MAGEA12: variants seen among roughly 807,000 people sequenced by gnomAD.
MAGEA12 encodes MAGE family member A12.
For synonymous variants in MAGEA12, 135 were observed against 104.7 expected (o/e 1.29, Z -1.77); for missense variants, 235 against 240.1 (o/e 0.98, Z 0.14).
chrX:152,737,182 G>A lies in MAGEA12; in HGVS notation c.*76G>A, dbSNP rs782676387. The A allele has an allele frequency of 2.5e-5, 25 of 995,042 alleles. No individual in the cohort carries two copies. Among genetic ancestry groups the A allele is most frequent in the Non-Finnish European group, 3.4e-5 (24 of 708,466 alleles). The allele number at this position is 995,042 out of a possible 1,213,427, so 82.0% of individuals were successfully genotyped here. On this transcript the variant is annotated 3_prime_UTR_variant, in exon 3 of 3. Coordinates refer to ENST00000393869, the MANE Select transcript of MAGEA12 (RefSeq NM_001166387.4). Reference sequence around the variant, plus strand: ...GCACCTTCCAAGGCCCCATCCATTAGTTTCCACTGCCTCGTGTGACATGAG... The same window carrying A: ...GCACCTTCCAAGGCCCCATCCATTAATTTCCACTGCCTCGTGTGACATGAG...
At position 152,736,677 on chromosome X, in the gene MAGEA12, C is replaced by A. The variant is rs1556225801; in HGVS notation, c.516C>A (p.Ile172=). The A allele has an allele frequency of 8.3e-7, 1 of 1,210,283 alleles. No homozygotes were observed. Among genetic ancestry groups the A allele is most frequent in the Non-Finnish European group, 1.1e-6 (1 of 895,339 alleles). The change falls in exon 3 of 3, where the codon ATC becomes ATA. Residue 172 remains isoleucine (I), a synonymous_variant. Transcript: ENST00000393869. ...TCGAGGTGGTGGAAGTGGTCCGCAT[C>A]GGCCACTTGTACATCCTTGTCACCT... is the stretch of plus-strand genomic sequence containing the variant. ...FGIEVVEVVR[I]GHLYILVTCL... is the part of the protein sequence containing the mutation.
chrX:152,735,408 G>C (rs1444935940), intron 2 of MAGEA12, among the ~76,000 whole-genome samples, 155 bp downstream of exon 2: 2 of 112,080 alleles, frequency 1.8e-5, no homozygotes, highest in Non-Finnish European at 3.8e-5. Flanking sequence ...TTGATGTCAG[G>C]GAAAGGGAGG....
chrX:152,735,580 G>T (rs782423733), intron 2 of MAGEA12, among the ~76,000 whole-genome samples: 2 of 112,105 alleles, frequency 1.8e-5, no homozygotes, highest in East Asian at 5.6e-4. Flanking sequence ...GTTATGTATG[G>T]CCAGATGTTG....
rs1241933017 is a variant in MAGEA12 at position 152,737,121 on chromosome X, T to C, written c.*15T>C. 1 of 1,203,411 alleles carries C rather than the reference T, an allele frequency of 8.3e-7. No individual in the cohort carries two copies. The highest frequency in any genetic ancestry group is 3.0e-5 in the East Asian group (1 of 33,811). On this transcript the variant is annotated 3_prime_UTR_variant, in exon 3 of 3. Transcript: ENST00000393869. ...GGGAAGAGTGAGTCTGAGCACGAGTTGCAGCCAGGGCCAGTGGGAGGGGGT... is the reference window on the plus strand; with the variant it reads ...GGGAAGAGTGAGTCTGAGCACGAGTCGCAGCCAGGGCCAGTGGGAGGGGGT...
At position 152,736,379 on chromosome X, in the gene MAGEA12, C is replaced by G. The variant is rs782074622; in HGVS notation, c.218C>G (p.Thr73Ser). 8.4e-5 allele frequency: 101 copies of G among 1,209,450 alleles called. No homozygotes were observed. The South Asian group carries it at 1.7e-3, about 20-fold the overall frequency. The change falls in exon 3 of 3, where the codon ACT becomes AGT. Residue 73 changes from threonine (T) to serine (S), a missense_variant. Physicochemically the swap from Thr to Ser is moderately conservative, Grantham distance 58. Transcript: ENST00000393869. ...HSPQGASTLP[T>S]TINYTLWSQS... ...CCTCAGGGAGCCTCCACCCTCCCCA[C>G]TACCATCAACTATACTCTCTGGAGT... is the stretch of plus-strand genomic sequence containing the variant.
At chrX:152,735,367 C>T (rs1253461308) in intron 2 of MAGEA12, 114 bp downstream of exon 2, 4 of 114,622 alleles carry the variant, frequency 3.5e-5, no homozygotes, top group African/African-American at 1.3e-4. Flanking sequence ...GCAAGGCTAC[C>T]TGCTGAGGTC....
In MAGEA12 at chrX:152,736,950, C is replaced by G. The variant is rs1175722706; in HGVS notation, c.789C>G (p.Gly263=). 8.3e-7 allele frequency: 1 copy of G among 1,210,507 alleles called. No homozygotes were observed. The highest frequency in any genetic ancestry group is 1.7e-5 in the African/African-American group (1 of 57,252). The change falls in exon 3 of 3, where the codon GGC becomes GGG. Residue 263 remains glycine, a synonymous_variant. Coordinates refer to ENST00000393869, the MANE Select transcript of MAGEA12 (RefSeq NM_001166387.4). ...ACCTGGAGTACCGGCAGGTCCCCGGCAGTGATCCTGCATGCTACGAGTTCC... is the reference window on the plus strand; with the variant it reads ...ACCTGGAGTACCGGCAGGTCCCCGGGAGTGATCCTGCATGCTACGAGTTCC... The part of the protein sequence containing the change: ...ENYLEYRQVP[G]SDPACYEFLW...
chrX:152,734,891 T>C (rs1932271150), intron 1 of MAGEA12, among the ~76,000 whole-genome samples: 1 of 112,504 alleles, frequency 8.9e-6, no homozygotes, highest in African/African-American at 3.2e-5. Flanking sequence ...CGATCAGAGA[T>C]AGCTCCAATT....
chrX:152,735,213 G>C lies in MAGEA12; in HGVS notation c.-116G>C, dbSNP rs782428708. The C allele has an allele frequency of 8.4e-6, 1 of 119,158 alleles. No individual in the cohort carries two copies. Among genetic ancestry groups the C allele is most frequent in the South Asian group, 3.7e-4 (1 of 2,691 alleles). 9.8% of individuals were successfully genotyped at this position (119,158 alleles called of 1,213,427 possible). On this transcript the variant is annotated 5_prime_UTR_variant, in exon 2 of 3. It removes the in-frame stop codon of an upstream open reading frame in the 5' UTR. Transcript: ENST00000393869. ...AGGTCAACACAGGGGCCCCCATGTAGTCGACAGACACAGTGGTCCTAAGAT... is the reference window on the plus strand; with the variant it reads ...AGGTCAACACAGGGGCCCCCATGTACTCGACAGACACAGTGGTCCTAAGAT...
In MAGEA12 at chrX:152,737,228, A is replaced by T. The variant is rs1932348891; in HGVS notation, c.*122A>T. On this transcript the variant is annotated 3_prime_UTR_variant, in exon 3 of 3. Transcript: ENST00000393869. Reference sequence around the variant, plus strand: ...ATGAGGCCCATTCTTCACTCTTTGAAGAGAGCAGTCAGTATTGTTAGTAGT... The same window carrying T: ...ATGAGGCCCATTCTTCACTCTTTGATGAGAGCAGTCAGTATTGTTAGTAGT... The T allele has an allele frequency of 4.2e-6, 3 of 718,323 alleles. No individual in the cohort carries two copies. The highest frequency in any genetic ancestry group is 6.5e-6 in the Non-Finnish European group (3 of 459,976). The allele number at this position is 718,323 out of a possible 1,213,427, so 59.2% of individuals were successfully genotyped here. A position where few individuals can be genotyped will look rare whatever the true frequency, so the allele number is the denominator to read the frequency against.
At position 152,737,027 on chromosome X, in the gene MAGEA12, A is replaced by G; in HGVS notation, c.866A>G (p.His289Arg). 8.3e-7 allele frequency: 1 copy of G among 1,211,705 alleles called. No homozygotes were observed. Among genetic ancestry groups the G allele is most frequent in the Non-Finnish European group, 1.1e-6 (1 of 895,500 alleles). Residue 289 changes from histidine (H) to arginine (R), a missense_variant, in exon 3 of 3, where the codon CAT becomes CGT. Coordinates refer to ENST00000393869, the MANE Select transcript of MAGEA12 (RefSeq NM_001166387.4). ...ACCAGCTATGTGAAAGTCCTGCACC[A>G]TTTGCTAAAGATCAGTGGAGGACCT... The part of the protein sequence containing the change: ...VETSYVKVLH[H>R]LLKISGGPHI...
intron 1 of MAGEA12, 60 bp from the exon 2 acceptor site, chrX:152,735,088 A>G (rs1196176043): frequency 8.9e-6 from 1 of 112,520 alleles, no homozygotes; most frequent in African/African-American, 3.2e-5. Flanking sequence ...CAAAGGGGTC[A>G]GCCCTGGACA....
rs782019480 is a variant in MAGEA12 at position 152,736,638 on chromosome X, G to A, written c.477G>A (p.Gln159=). The A allele has an allele frequency of 5.0e-6, 6 of 1,211,988 alleles. No individual in the cohort carries two copies. The highest frequency in any genetic ancestry group is 6.7e-6 in the Non-Finnish European group (6 of 895,594). Residue 159 remains glutamine (Q), a synonymous_variant, in exon 3 of 3, where the codon CAG becomes CAA. Transcript: ENST00000393869. The part of the protein sequence containing the change: ...VIFSKASEYL[Q]LVFGIEVVEV... Reference sequence around the variant, plus strand: ...TCAGCAAAGCCTCCGAGTACTTGCAGCTGGTCTTTGGCATCGAGGTGGTGG... The same window carrying A: ...TCAGCAAAGCCTCCGAGTACTTGCAACTGGTCTTTGGCATCGAGGTGGTGG...
At chrX:152,735,463 T>G (rs1434087015) in intron 2 of MAGEA12, among the ~76,000 whole-genome samples, 2 of 111,679 alleles carry the variant, frequency 1.8e-5, no homozygotes, top group African/African-American at 6.5e-5. Context: ...AGGGAGGCTC[T>G]CAGGCCCTAG....
Position 152,736,254 on chromosome X carries a change from T to A in MAGEA12, c.93T>A (p.Pro31=). ...TGGGCTTGGTGGGTGCGCAGGCTCC[T>A]GCTACTGAGGAGCAGGAGACTGCCT... The part of the protein sequence containing the change: ...EALGLVGAQA[P]ATEEQETASS... The change falls in exon 3 of 3, where the codon CCT becomes CCA. Residue 31 remains proline (P), a synonymous_variant. Coordinates refer to ENST00000393869, the MANE Select transcript of MAGEA12 (RefSeq NM_001166387.4). The A allele has an allele frequency of 8.3e-7, 1 of 1,211,711 alleles. No homozygotes were observed.
Position 152,736,574 on chromosome X carries a change from G to A in MAGEA12, c.413G>A (p.Ser138Asn). The A allele has an allele frequency of 1.7e-6, 2 of 1,211,966 alleles. No homozygotes were observed. The highest frequency in any genetic ancestry group is 1.1e-6 in the Non-Finnish European group (1 of 895,583). ...TTCACAAAGGCAGAAATGCTGGGGA[G>A]TGTCATCAGAAATTTCCAGGACTTC... is the stretch of plus-strand genomic sequence containing the variant. ...EPFTKAEMLG[S>N]VIRNFQDFFP... Residue 138 changes from serine to asparagine, a missense_variant, in exon 3 of 3, where the codon AGT becomes AAT. By Grantham distance (46) the Ser-to-Asn change is conservative. Transcript: ENST00000393869.
At chrX:152,734,302 C>T (rs1428417479) in intron 1 of MAGEA12, among the ~76,000 whole-genome samples, 61 of 111,055 alleles carry the variant, frequency 5.5e-4, no homozygotes, top group Middle Eastern at 4.6e-3. Flanking sequence ...AATCAACCCA[C>T]GGAAGCTCCG....
rs1307543449 is a variant in MAGEA12 at position 152,737,213 on chromosome X, T to C, written c.*107T>C. On this transcript the variant is annotated 3_prime_UTR_variant, in exon 3 of 3. Transcript: ENST00000393869. ...ACTGCCTCGTGTGACATGAGGCCCA[T>C]TCTTCACTCTTTGAAGAGAGCAGTC... 2 of 796,792 alleles carry C rather than the reference T, an allele frequency of 2.5e-6. No individual in the cohort carries two copies. The highest frequency in any genetic ancestry group is 3.8e-6 in the Non-Finnish European group (2 of 530,844). 65.7% of individuals were successfully genotyped at this position (796,792 alleles called of 1,213,427 possible). A position where few individuals can be genotyped will look rare whatever the true frequency, so the allele number is the denominator to read the frequency against.
chrX:152,734,090 T>G (rs1175662632), intron 1 of MAGEA12: 3 of 109,126 alleles, frequency 2.7e-5, no homozygotes, highest in Non-Finnish European at 5.7e-5. Context: ...GGGCCCAGAC[T>G]CAGCCAGGAA....
Sources: allele counts gnomAD v4.1 joint callset (sites outside exome capture counted in the v4.1 genomes callset), GRCh38; gene constraint gnomAD v4.1.1; transcripts MANE v1.5; gene names NCBI Gene and HGNC (gene_info 2026-07-23, HGNC 2026-07-21).